Variants in ZNF148 observed in about 807,000 individuals in gnomAD.
ZNF148 encodes the protein zinc finger protein 148.
In ZNF148, 7 loss-of-function variants were observed where a neutral mutation model predicts 67.7. The ratio of observed to expected loss-of-function variants is 0.10; its 90% CI spans 0.06 to 0.19. The LOEUF (loss-of-function observed/expected upper bound fraction) is 0.19. ZNF148 is among the 10% of genes least tolerant of loss of function. The pLI is 1.00. For missense variants in ZNF148, 583 were observed against 947.1 expected, an observed-to-expected ratio of 0.62 and a Z score of 5.05; for synonymous variants, 333 against 330.7, an observed-to-expected ratio of 1.01 and a Z score of -0.08.
intron 4 of ZNF148, among the ~76,000 whole-genome samples, chr3:125,305,146 A>G (rs535270181): frequency 6.6e-6 from 1 of 152,346 alleles, no homozygotes; most frequent in South Asian, 2.1e-4. Flanking sequence ...GAAGGTATCA[A>G]TTGATCAAAG....
chr3:125,358,370 T>C (rs1942434492), intron 1 of ZNF148, among the ~76,000 whole-genome samples: 1 of 152,212 alleles, frequency 6.6e-6, no homozygotes, highest in African/African-American at 2.4e-5. Context: ...TCTCCCACTT[T>C]AGCTATTCAA....
rs1458930579 is a variant in ZNF148, at chr3:125,231,137, T to A, written c.*1204A>T. On this transcript the variant is annotated 3_prime_UTR_variant, in exon 9 of 9. Coordinates refer to ENST00000360647, the MANE Select transcript of ZNF148 (RefSeq NM_021964.3). ...TAAACACTTTTGGTTTGTAAAGTTG[T>A]AATGAGCAGTGTTCATTAAAAAGTA... is the stretch of plus-strand genomic sequence containing the variant. The A allele has an allele frequency of 6.6e-6, 1 of 152,548 alleles. No homozygotes were observed. The highest frequency in any genetic ancestry group is 1.5e-5 in the Non-Finnish European group (1 of 67,960). 9.4% of individuals were successfully genotyped at this position (152,548 alleles called of 1,614,324 possible).
rs570865779 is a variant in ZNF148, at chr3:125,295,163, A to T, written c.334-6935T>A. Among the ~76,000 whole-genome samples the T allele has an allele frequency of 1.4e-3, 189 of 137,530 alleles. 1 individual carries two copies. The South Asian group carries it at 0.014, about 10-fold the overall frequency. The allele number at this position is 137,530 out of a possible 152,430, so 90.2% of individuals were successfully genotyped here. A position where few individuals can be genotyped will look rare whatever the true frequency, so the allele number is the denominator to read the frequency against. On this transcript the variant is annotated intron_variant, in intron 4 of 8. Transcript: ENST00000360647. ...TATTACTAAAGGAAAATAAAATGTT[A>T]AAAAAAAATTGGCCAGGCACAGAGG...
chr3:125,306,941 T>C (rs536227034), intron 4 of ZNF148, among the ~76,000 whole-genome samples: 16 of 151,902 alleles, frequency 1.1e-4, no homozygotes, highest in Admixed American at 5.2e-4. Context: ...GCCTATCAAA[T>C]ATGTATGATA....
At chr3:125,288,497 G>A (rs1380644074) in intron 4 of ZNF148, among the ~76,000 whole-genome samples, 1 of 151,424 alleles carries the variant, frequency 6.6e-6, no homozygotes, top group Non-Finnish European at 1.5e-5. Context: ...GGGAAAAGAT[G>A]ATCATAAGAC....
intron 5 of ZNF148, among the ~76,000 whole-genome samples, chr3:125,282,354 CT>C (rs997849229): frequency 2.0e-5 from 3 of 152,064 alleles, no homozygotes; most frequent in Non-Finnish European, 4.4e-5. Flanking sequence ...CTTTGCTTTT[CT>C]TTTTTCCCCA....
chr3:125,298,004 T>C (rs559009674), intron 4 of ZNF148, among the ~76,000 whole-genome samples: 4 of 152,296 alleles, frequency 2.6e-5, no homozygotes, highest in Non-Finnish European at 4.4e-5. Context: ...CTGATGATTC[T>C]ACAGAAATTA....
intron 1 of ZNF148, among the ~76,000 whole-genome samples, chr3:125,359,238 A>T (rs184225816): frequency 6.6e-6 from 1 of 152,354 alleles, no homozygotes; most frequent in Non-Finnish European, 1.5e-5. Context: ...TGGTGGCTAA[A>T]CAGATGTAGA....
intron 1 of ZNF148, among the ~76,000 whole-genome samples, chr3:125,359,951 A>G (rs867540792): frequency 2.6e-5 from 4 of 152,340 alleles, no homozygotes; most frequent in South Asian, 2.1e-4. Flanking sequence ...AGGCCCGCCC[A>G]TGCAGCTGGC....
At chr3:125,239,227 A>G (rs1936235881) in intron 7 of ZNF148, among the ~76,000 whole-genome samples, 1 of 152,244 alleles carries the variant, frequency 6.6e-6, no homozygotes, top group Non-Finnish European at 1.5e-5. Context: ...TGGTTGTAAA[A>G]AAGTGAAGAC....
At chr3:125,337,950 A>T (rs573444670) in intron 1 of ZNF148, among the ~76,000 whole-genome samples, 5 of 150,946 alleles carry the variant, frequency 3.3e-5, no homozygotes, top group South Asian at 2.1e-4. Flanking sequence ...AAAAAAAAAA[A>T]TTTTTTTTGT....
rs1579566011 is a variant in ZNF148, at chr3:125,228,414, T to C, written c.*3927A>G. 4 of 152,716 alleles carry C rather than the reference T, an allele frequency of 2.6e-5. No homozygotes were observed. The highest frequency in any genetic ancestry group is 9.6e-5 in the African/African-American group (4 of 41,576). 9.5% of individuals were successfully genotyped at this position (152,716 alleles called of 1,614,324 possible). On this transcript the variant is annotated 3_prime_UTR_variant, in exon 9 of 9. Transcript: ENST00000360647. ...GTTCCAATAGGAGGAACAATGGAAT[T>C]TGCTTATAAAAACTGATTAAAGATA...
At chr3:125,355,096 T>C (rs1254972042) in intron 1 of ZNF148, among the ~76,000 whole-genome samples, 2 of 152,092 alleles carry the variant, frequency 1.3e-5, no homozygotes, top group African/African-American at 4.8e-5. Context: ...ACTGAAGGAG[T>C]TATACTTGTT....
At chr3:125,322,433 T>A (rs938020939) in intron 3 of ZNF148, among the ~76,000 whole-genome samples, 1 of 152,044 alleles carries the variant, frequency 6.6e-6, no homozygotes, top group Non-Finnish European at 1.5e-5. Context: ...GTGCAACATA[T>A]GGCTGCCTAG....
chr3:125,263,830 A>G (rs1937451889), intron 7 of ZNF148, among the ~76,000 whole-genome samples: 2 of 152,044 alleles, frequency 1.3e-5, no homozygotes, highest in Admixed American at 1.3e-4. Flanking sequence ...CTGGGACCCT[A>G]GATAGCTTCA....
At chr3:125,329,606 C>T (rs1386253584) in intron 2 of ZNF148, among the ~76,000 whole-genome samples, 1 of 151,720 alleles carries the variant, frequency 6.6e-6, no homozygotes, top group Non-Finnish European at 1.5e-5. Context: ...GATCCACCTG[C>T]CTTGGCCTCC....
chr3:125,346,224 T>G (rs548565807), intron 1 of ZNF148, among the ~76,000 whole-genome samples: 21 of 152,358 alleles, frequency 1.4e-4, no homozygotes, highest in Non-Finnish European at 2.5e-4. Flanking sequence ...AAAACTTTTA[T>G]TTTTGGCAGA....
At chr3:125,274,101 C>T (rs541079706) in intron 7 of ZNF148, among the ~76,000 whole-genome samples, 12 of 152,242 alleles carry the variant, frequency 7.9e-5, no homozygotes, top group East Asian at 1.9e-4. Context: ...TCTATATATG[C>T]ATTTTTAAAA....
At chr3:125,332,697 C>T (rs1343235940) in intron 1 of ZNF148, among the ~76,000 whole-genome samples, 1 of 152,148 alleles carries the variant, frequency 6.6e-6, no homozygotes, top group African/African-American at 2.4e-5. Context: ...TTGTCACTTG[C>T]TTTTTCTGTG....
Sources: allele counts gnomAD v4.1 joint callset (sites outside exome capture counted in the v4.1 genomes callset), GRCh38; gene constraint gnomAD v4.1.1; transcripts MANE v1.5; gene names NCBI Gene and HGNC (gene_info 2026-07-23, HGNC 2026-07-21).